Variants in PRDM16 observed in about 807,000 individuals in gnomAD.
PRDM16 encodes histone-lysine N-methyltransferase PRDM16.
A neutral mutation model predicts 110.6 loss-of-function variants in PRDM16; 23 were observed. That is an observed-to-expected ratio of 0.21 (90% CI 0.15 to 0.29). The LOEUF is 0.29. Among genes scored for constraint, PRDM16 ranks in the 10% least tolerant of loss-of-function variants. The probability of loss-of-function intolerance (pLI) is 1.00; values close to 1 mark genes in which losing one functional copy is unlikely to be tolerated. For synonymous variants in PRDM16, 799 were observed against 781.8 expected, an observed-to-expected ratio of 1.02 and a Z score of -0.37; for missense variants, 1,615 against 1,794.3, an observed-to-expected ratio of 0.90 and a Z score of 1.81.
intron 1 of PRDM16, among the ~76,000 whole-genome samples, chr1:3,094,040 C>T (rs1169471275): frequency 2.6e-5 from 4 of 152,214 alleles, no homozygotes; most frequent in Non-Finnish European, 4.4e-5. Flanking sequence ...GTGGTGGCAC[C>T]AGCCAGCAAC....
At chr1:3,231,292 C>T (rs903973590) in intron 2 of PRDM16, among the ~76,000 whole-genome samples, 1 of 152,106 alleles carries the variant, frequency 6.6e-6, no homozygotes, top group Non-Finnish European at 1.5e-5. Flanking sequence ...CGGGTGGTTA[C>T]GTCTTGAGCG....
intron 1 of PRDM16, among the ~76,000 whole-genome samples, chr1:3,146,505 A>AC (rs1643656973): frequency 7.3e-6 from 1 of 137,426 alleles, no homozygotes; most frequent in African/African-American, 2.8e-5. Flanking sequence ...ATATGTGTGC[A>AC]AGTGTGTGTG....
chr1:3,216,920 G>A (rs914311383), intron 2 of PRDM16, among the ~76,000 whole-genome samples: 6 of 152,230 alleles, frequency 3.9e-5, no homozygotes, highest in Admixed American at 3.9e-4. Context: ...GTCCCTCCCT[G>A]GGCCACCACT....
At chr1:3,269,793 A>AGGAGGAGCATAAGCCTG (rs1213032232) in intron 3 of PRDM16, among the ~76,000 whole-genome samples, 1 of 101,882 alleles carries the variant, frequency 9.8e-6, no homozygotes, top group Admixed American at 1.0e-4. Flanking sequence ...GGAAAGTCTC[A>AGGAGGAGCATAAGCCTG]GAGGAGGACA....
chr1:3,125,839 C>T (rs370580244), intron 1 of PRDM16, among the ~76,000 whole-genome samples: 22 of 152,212 alleles, frequency 1.4e-4, no homozygotes, highest in African/African-American at 4.6e-4. Flanking sequence ...TGCACTGGCC[C>T]GATTCATTAA....
At position 3,190,999 on chromosome 1, in the gene PRDM16, C is replaced by T. The variant is rs2100807399; in HGVS notation, c.387+4525C>T. Among the ~76,000 whole-genome samples the T allele has an allele frequency of 6.6e-6, 1 of 152,214 alleles. No homozygotes were observed. The highest frequency in any genetic ancestry group is 2.1e-4 in the South Asian group (1 of 4,812). On this transcript the variant is annotated intron_variant, in intron 2 of 16. Coordinates refer to ENST00000270722, the MANE Select transcript of PRDM16 (RefSeq NM_022114.4). This position sits in a 1 kb window ranked among gnomAD's most constrained non-coding sequence, Gnocchi z 5.0. ...TGCTGGGGCGGGATCCCGCAGGACC[C>T]CCAGGGGAGGCACTGGGGGCACTTT... is the stretch of plus-strand genomic sequence containing the variant.
chr1:3,146,557 G>A (rs759800844), intron 1 of PRDM16, among the ~76,000 whole-genome samples: 8 of 149,884 alleles, frequency 5.3e-5, no homozygotes, highest in Non-Finnish European at 1.2e-4. Flanking sequence ...GGTGTGGGGT[G>A]TGTACACATG....
intron 1 of PRDM16, among the ~76,000 whole-genome samples, chr1:3,145,837 T>A (rs888213790): frequency 6.6e-6 from 1 of 152,198 alleles, no homozygotes; most frequent in African/African-American, 2.4e-5. Context: ...TTTAATTATC[T>A]AATTTTTCTG....
intron 10 of PRDM16, among the ~76,000 whole-genome samples, chr1:3,415,097 G>A (rs1320479332): frequency 6.6e-6 from 1 of 152,186 alleles, no homozygotes; most frequent in Non-Finnish European, 1.5e-5. Flanking sequence ...GAGGGGCATG[G>A]AGCCAGGCCC....
Position 3,435,199 on chromosome 1 carries a change from G to A in PRDM16, c.*1388G>A. ...ATTTCAAATAATAATTTTTTTCCCT[G>A]ATGGAATTTACCTTAATCTGTATAT... On this transcript the variant is annotated 3_prime_UTR_variant, in exon 17 of 17. Coordinates refer to ENST00000270722, the MANE Select transcript of PRDM16 (RefSeq NM_022114.4). 4.5e-6 allele frequency: 1 copy of A among 223,448 alleles called. No individual in the cohort carries two copies. The highest frequency in any genetic ancestry group is 6.5e-5 in the East Asian group (1 of 15,334). The allele number at this position is 223,448 out of a possible 1,614,324, so 13.8% of individuals were successfully genotyped here. A position where few individuals can be genotyped will look rare whatever the true frequency, so the allele number is the denominator to read the frequency against.
intron 2 of PRDM16, among the ~76,000 whole-genome samples, chr1:3,236,264 G>T (rs1360607959): frequency 6.6e-6 from 1 of 152,084 alleles, no homozygotes; most frequent in Non-Finnish European, 1.5e-5. Context: ...GGGCTGGGAA[G>T]GAGGCTTGGA....
At chr1:3,269,912 G>A (rs1640396778) in intron 3 of PRDM16, among the ~76,000 whole-genome samples, 1 of 148,868 alleles carries the variant, frequency 6.7e-6, no homozygotes, top group Non-Finnish European at 1.5e-5. Flanking sequence ...GAGGAGGACA[G>A]TCCAGGAGGA....
rs1557676018 is a variant in PRDM16 at position 3,434,750 on chromosome 1, A to G, written c.*939A>G. ...CGAGGGCCTGTGGCTTGGATCCGCC[A>G]TGCAGAGATGTGGCCGGGCACCCAT... On this transcript the variant is annotated 3_prime_UTR_variant, in exon 17 of 17. Transcript: ENST00000270722. 8.6e-6 allele frequency: 2 copies of G among 232,562 alleles called. No homozygotes were observed. The highest frequency in any genetic ancestry group is 1.8e-4 in the South Asian group (1 of 5,518). The allele number at this position is 232,562 out of a possible 1,614,324, so 14.4% of individuals were successfully genotyped here. A position where few individuals can be genotyped will look rare whatever the true frequency, so the allele number is the denominator to read the frequency against.
intron 3 of PRDM16, among the ~76,000 whole-genome samples, chr1:3,283,076 G>A (rs1426927928): frequency 6.6e-6 from 1 of 152,236 alleles, no homozygotes; most frequent in East Asian, 1.9e-4. Flanking sequence ...TCCCGAGCAG[G>A]TGCGGGGTGC....
rs148364003 is a variant in PRDM16, at chr1:3,115,739, G to A, written c.37+46443G>A. On this transcript the variant is annotated intron_variant, in intron 1 of 16. Transcript: ENST00000270722. ...TGGCCTGCAGTCCTGCCTTCCACAC[G>A]GCATCTCCTATGGCTACAGGTTGGC... Among the ~76,000 whole-genome samples the A allele has an allele frequency of 9.2e-5, 14 of 152,338 alleles. 1 individual carries two copies. Among genetic ancestry groups the A allele is most frequent in the African/African-American group, 2.6e-4 (11 of 41,572 alleles).
intron 2 of PRDM16, among the ~76,000 whole-genome samples, chr1:3,218,126 A>G (rs917523299): frequency 6.6e-6 from 1 of 152,150 alleles, no homozygotes; most frequent in Non-Finnish European, 1.5e-5. Context: ...AGTCGCCTGC[A>G]CTTACAAAGG....
At chr1:3,166,331 G>GC (rs1643955914) in intron 1 of PRDM16, among the ~76,000 whole-genome samples, 1 of 152,260 alleles carries the variant, frequency 6.6e-6, no homozygotes, top group South Asian at 2.1e-4. Flanking sequence ...AGGGGTCCCT[G>GC]CCAGGTGCCA....
intron 4 of PRDM16, chr1:3,386,779 C>T (rs1022335257): frequency 4.6e-5 from 7 of 152,168 alleles, no homozygotes; most frequent in African/African-American, 1.7e-4. Context: ...TGTCCTTAGT[C>T]GTCCGTTGGG....
At chr1:3,150,127 G>A (rs902064924) in intron 1 of PRDM16, among the ~76,000 whole-genome samples, 1 of 152,042 alleles carries the variant, frequency 6.6e-6, no homozygotes, top group African/African-American at 2.4e-5. Context: ...CCCCCCGAAC[G>A]CACAGGCGAA....
Sources: gnomAD v4.1 joint callset for allele counts (sites outside exome capture counted in the v4.1 genomes callset) on GRCh38, gnomAD v4.1.1 for gene constraint, Gnocchi (gnomAD v3.1) non-coding constraint, MANE v1.5 for transcripts, NCBI Gene and HGNC (gene_info 2026-07-23, HGNC 2026-07-21) for gene names.